Variants in PCDHA7 observed in about 807,000 individuals in gnomAD.
The protein encoded by PCDHA7 is protocadherin alpha-7.
Under a neutral mutation model 57.2 loss-of-function variants are expected in PCDHA7, and 37 were observed. That is an observed-to-expected ratio of 0.65 (90% CI 0.50 to 0.85). PCDHA7 has a LOEUF of 0.85. PCDHA7 is among the 40% of genes least tolerant of loss of function. The pLI is 0.00. For synonymous variants in PCDHA7, 553 were observed against 558.8 expected (o/e 0.99, Z 0.15); for missense variants, 1,188 against 1,241.8 (o/e 0.96, Z 0.65).
chr5:140,847,046 G>A (rs1554141633), intron 1 of PCDHA7, among the ~76,000 whole-genome samples: 1 of 149,680 alleles, frequency 6.7e-6, no homozygotes, highest in Non-Finnish European at 1.5e-5. Flanking sequence ...AAGGAAAGTT[G>A]AAGACACAGA....
In PCDHA7 at chr5:140,917,987, A is replaced by G. The variant is rs140618239; in HGVS notation, c.2356-60962A>G. 3.9e-3 allele frequency among the ~76,000 whole-genome samples: 598 copies of G among 152,198 alleles called. 2 individuals are homozygous for G. The highest frequency in any genetic ancestry group is 5.9e-3 in the Admixed American group (90 of 15,276). ...GAATCTGTGAATTGCTTTGGACAGT[A>G]TGGTTATCTTAACAATGTTGTTTCT... On this transcript the variant is annotated intron_variant, in intron 1 of 3. Coordinates refer to ENST00000525929, the MANE Select transcript of PCDHA7 (RefSeq NM_018910.3).
At position 140,850,757 on chromosome 5, in the gene PCDHA7, G is replaced by C. The variant is rs1554144879; in HGVS notation, c.2355+14019G>C. On this transcript the variant is annotated intron_variant, in intron 1 of 3. Coordinates refer to ENST00000525929, the MANE Select transcript of PCDHA7 (RefSeq NM_018910.3). ...GGAGTTGGTCGTACTCGCAGCAGAGGAGGCAGAGGGTGTGCTCTGGCGAGG... is the reference window on the plus strand; with the variant it reads ...GGAGTTGGTCGTACTCGCAGCAGAGCAGGCAGAGGGTGTGCTCTGGCGAGG... The C allele has an allele frequency of 1.3e-5, 20 of 1,597,958 alleles. 2 individuals are homozygous for C. The highest frequency in any genetic ancestry group is 1.4e-5 in the Non-Finnish European group (16 of 1,167,660).
At chr5:140,930,446 C>T (rs891083222) in intron 1 of PCDHA7, 1 of 151,964 alleles carries the variant, frequency 6.6e-6, no homozygotes, top group Admixed American at 6.6e-5. Context: ...TGGTCTCAAA[C>T]TCCTAGCCTC....
chr5:140,882,209 A>T, intron 1 of PCDHA7: 1 of 1,531,724 alleles, frequency 6.5e-7, no homozygotes, highest in Non-Finnish European at 8.8e-7. Context: ...GCCTTGAGAG[A>T]CAGTTTGAGG....
chr5:140,857,681 G>A (rs2044790199), intron 1 of PCDHA7: 5 of 1,596,954 alleles, frequency 3.1e-6, no homozygotes, highest in East Asian at 4.5e-5. Context: ...GCCGCCTCTG[G>A]GCAGCAACTT....
At chr5:140,842,000 C>G in intron 1 of PCDHA7, 1 of 1,613,786 alleles carries the variant, frequency 6.2e-7, no homozygotes, top group Non-Finnish European at 8.5e-7. Context: ...AGGCACTGTT[C>G]AGCTGCTGGT....
intron 3 of PCDHA7, among the ~76,000 whole-genome samples, chr5:141,002,517 G>A (rs770473989): frequency 5.3e-5 from 8 of 152,208 alleles, no homozygotes; most frequent in Non-Finnish European, 8.8e-5. Flanking sequence ...GAGTCTCCTA[G>A]CTGGAGTCAG....
At chr5:140,962,667 C>T (rs576054969) in intron 1 of PCDHA7, among the ~76,000 whole-genome samples, 1 of 152,272 alleles carries the variant, frequency 6.6e-6, no homozygotes, top group East Asian at 1.9e-4. Flanking sequence ...TTCATCTTCC[C>T]ATCCACTGGA....
intron 3 of PCDHA7, among the ~76,000 whole-genome samples, chr5:140,997,495 C>T (rs1255911617): frequency 6.6e-6 from 1 of 152,078 alleles, no homozygotes; most frequent in East Asian, 1.9e-4. Context: ...ATTTGTGTAT[C>T]TCAACATACC....
At chr5:140,984,030 A>T (rs900763001) in intron 3 of PCDHA7, among the ~76,000 whole-genome samples, 17 of 152,330 alleles carry the variant, frequency 1.1e-4, no homozygotes, top group African/African-American at 3.6e-4. Context: ...AAGGGGAAAA[A>T]CATAAAATAG....
At position 140,882,112 on chromosome 5, in the gene PCDHA7, C is replaced by A. The variant is rs1399071152; in HGVS notation, c.2355+45374C>A. On this transcript the variant is annotated intron_variant, in intron 1 of 3. Transcript: ENST00000525929. ...CTGAGAACGTTTCCGCGAAGAAAGC[C>A]GCCGTTTCTTTCTTCCTGCAGAAAA... 4 of 1,384,574 alleles carry A rather than the reference C, an allele frequency of 2.9e-6. No individual in the cohort carries two copies. The Admixed American group carries it at 7.3e-5, about 25-fold the overall frequency. 85.8% of individuals were successfully genotyped at this position (1,384,574 alleles called of 1,614,324 possible).
chr5:140,839,096 G>T (rs1372259471), intron 1 of PCDHA7, among the ~76,000 whole-genome samples: 2 of 151,884 alleles, frequency 1.3e-5, no homozygotes, highest in Admixed American at 6.6e-5. Context: ...ATAATCAATA[G>T]AATTATTTAC....
At chr5:140,866,122 C>T (rs556292123) in intron 1 of PCDHA7, 1 of 152,178 alleles carries the variant, frequency 6.6e-6, no homozygotes, top group East Asian at 1.9e-4. Flanking sequence ...CTTATAAGAA[C>T]TACGTATCTG....
rs1181136155 is a variant in PCDHA7, at chr5:140,966,778, G to C, written c.2356-12171G>C. Reference sequence around the variant, plus strand: ...CGCGGCCAGTGGCTATGGAGCAGGCGGGCACCAGACCTGCGGCGACAGAGC... The same window carrying C: ...CGCGGCCAGTGGCTATGGAGCAGGCCGGCACCAGACCTGCGGCGACAGAGC... On this transcript the variant is annotated intron_variant, in intron 1 of 3. Transcript: ENST00000525929. The C allele has an allele frequency of 4.0e-6, 6 of 1,512,380 alleles. No homozygotes were observed. The African/African-American group carries it at 8.3e-5, about 21-fold the overall frequency. The allele number at this position is 1,512,380 out of a possible 1,614,324, so 93.7% of individuals were successfully genotyped here. A position where few individuals can be genotyped will look rare whatever the true frequency, so the allele number is the denominator to read the frequency against.
chr5:140,858,032 G>A lies in PCDHA7; in HGVS notation c.2355+21294G>A. 6.3e-7 allele frequency: 1 copy of A among 1,597,242 alleles called. No homozygotes were observed. The highest frequency in any genetic ancestry group is 8.6e-7 in the Non-Finnish European group (1 of 1,167,272). The stretch of plus-strand genomic sequence containing the variant: ...TGGCGAGCCGTCGCTGACGGCCACG[G>A]CCACTGTGCTTGTGTCGCTTGTGGA... On this transcript the variant is annotated intron_variant, in intron 1 of 3. Transcript: ENST00000525929.
intron 1 of PCDHA7, among the ~76,000 whole-genome samples, chr5:140,911,789 G>A (rs1399185754): frequency 6.6e-6 from 1 of 152,024 alleles, no homozygotes; most frequent in Non-Finnish European, 1.5e-5. Flanking sequence ...GCATTTTTGG[G>A]TCTAATCATA....
At chr5:140,870,955 C>G (rs782342308) in intron 1 of PCDHA7, 1 of 1,613,632 alleles carries the variant, frequency 6.2e-7, no homozygotes, top group South Asian at 1.1e-5. Context: ...GGGCGGCTCG[C>G]GCATCCCGTT....
chr5:140,857,779 T>C (rs2044890811), intron 1 of PCDHA7: 2 of 1,597,506 alleles, frequency 1.3e-6, no homozygotes, highest in Non-Finnish European at 8.6e-7. Context: ...GTGCAGTCAG[T>C]GAGCTGGTGC....
chr5:141,008,718 T>C (rs2098388409), intron 3 of PCDHA7, among the ~76,000 whole-genome samples: 1 of 152,230 alleles, frequency 6.6e-6, no homozygotes, highest in Non-Finnish European at 1.5e-5. Context: ...TGCTTGAGTG[T>C]ATGTCCAACT....
Sources: allele counts gnomAD v4.1 joint callset (sites outside exome capture counted in the v4.1 genomes callset), GRCh38; gene constraint gnomAD v4.1.1; transcripts MANE v1.5; gene names NCBI Gene and HGNC (gene_info 2026-07-23, HGNC 2026-07-21).